Variants in LRBA observed in about 807,000 individuals in gnomAD.
LRBA encodes lipopolysaccharide-responsive and beige-like anchor protein.
A neutral mutation model predicts 330.0 loss-of-function variants in LRBA; 176 were observed. The observed-to-expected ratio is 0.53, with a 90% confidence interval of 0.47 to 0.60. The LOEUF (loss-of-function observed/expected upper bound fraction) is 0.60. Among genes scored for constraint, LRBA ranks in the 20% least tolerant of loss-of-function variants. The pLI is 0.00. For missense variants in LRBA, 3,259 were observed against 3,444.8 expected (o/e 0.95, Z 1.35); for synonymous variants, 1,230 against 1,193.0 (o/e 1.03, Z -0.64).
At chr4:150,731,193 G>A (rs539125767) in intron 36 of LRBA, among the ~76,000 whole-genome samples, 3 of 152,226 alleles carry the variant, frequency 2.0e-5, no homozygotes, top group East Asian at 3.9e-4. Flanking sequence ...ACTATTGGTG[G>A]AGTGTAAATT....
At chr4:150,575,242 T>C (rs896908419) in intron 40 of LRBA, among the ~76,000 whole-genome samples, 3 of 151,948 alleles carry the variant, frequency 2.0e-5, no homozygotes, top group Admixed American at 6.6e-5. Flanking sequence ...ACAGATGTCT[T>C]CCATACATAG....
intron 47 of LRBA, among the ~76,000 whole-genome samples, chr4:150,356,700 T>G (rs1339060252): frequency 6.6e-6 from 1 of 151,936 alleles, no homozygotes; most frequent in Non-Finnish European, 1.5e-5. Flanking sequence ...TCAATTTCAC[T>G]AATTTAAAGA....
chr4:150,735,202 C>T, intron 36 of LRBA, 56 bp downstream of exon 36: 1 of 1,255,268 alleles, frequency 8.0e-7, no homozygotes, highest in Non-Finnish European at 1.2e-6. Context: ...GACAATTTCT[C>T]ATGATTATCA....
intron 42 of LRBA, among the ~76,000 whole-genome samples, chr4:150,474,490 T>C (rs1372444292): frequency 6.6e-6 from 1 of 152,162 alleles, no homozygotes; most frequent in Non-Finnish European, 1.5e-5. Context: ...TTTCAGCTAC[T>C]CTAGGTCCAT....
intron 55 of LRBA, among the ~76,000 whole-genome samples, chr4:150,280,105 C>A (rs1747317915): frequency 1.3e-5 from 2 of 152,288 alleles, no homozygotes; most frequent in South Asian, 4.1e-4. Context: ...GAATCAGATG[C>A]CTCCCAAGGT....
intron 46 of LRBA, among the ~76,000 whole-genome samples, chr4:150,426,726 A>G (rs976156137): frequency 3.3e-5 from 5 of 151,938 alleles, no homozygotes; most frequent in African/African-American, 1.2e-4. Flanking sequence ...AATACTTAAC[A>G]AAACTTACTT....
At chr4:150,669,722 C>T (rs1263990371) in intron 37 of LRBA, among the ~76,000 whole-genome samples, 6 of 151,958 alleles carry the variant, frequency 3.9e-5, no homozygotes, top group South Asian at 2.1e-4. Flanking sequence ...TGCACCACCA[C>T]GCCCAGATAA....
In LRBA at chr4:150,853,787, T is replaced by C. The variant is rs546146653; in HGVS notation, c.2767-844A>G. On this transcript the variant is annotated intron_variant, in intron 22 of 56. Transcript: ENST00000651943. ...CATATGATTTCCATTGGTGTTTCAA[T>C]GGTAACCCCCATCACCCCTTGCAAC... 6.6e-5 allele frequency among the ~76,000 whole-genome samples: 10 copies of C among 152,292 alleles called. No homozygotes were observed. In the South Asian group the frequency reaches 1.7e-3, roughly 25 times the overall value.
chr4:150,610,567 C>A (rs367720184), intron 37 of LRBA, among the ~76,000 whole-genome samples: 1 of 151,902 alleles, frequency 6.6e-6, no homozygotes, highest in African/African-American at 2.4e-5. Context: ...CCAGCCTGGG[C>A]GACAGGGTGA....
chr4:150,350,109 G>T lies in LRBA; in HGVS notation c.7245C>A (p.Leu2415=), dbSNP rs1308154555. 6.8e-6 allele frequency: 11 copies of T among 1,606,320 alleles called. No homozygotes were observed. The highest frequency in any genetic ancestry group is 9.3e-6 in the Non-Finnish European group (11 of 1,177,218). The change falls in exon 48 of 57, where the codon CTC becomes CTA. Residue 2415 remains leucine, a synonymous_variant. Transcript: ENST00000651943. The stretch of plus-strand genomic sequence containing the variant: ...GTCCTTGCTGTTTATAGCCAAAAAT[G>T]AGATCAATCCATTGGTGAAGCTGGC... ...VSCQLHQWID[L]IFGYKQQGPE... is the part of the protein sequence containing the mutation.
chr4:150,817,755 G>A (rs1184445196), intron 30 of LRBA, among the ~76,000 whole-genome samples: 1 of 151,578 alleles, frequency 6.6e-6, no homozygotes, highest in Non-Finnish European at 1.5e-5. Context: ...GCAATGCATA[G>A]GAATAAAAAC....
intron 34 of LRBA, among the ~76,000 whole-genome samples, chr4:150,782,322 C>A (rs558295715): frequency 3.8e-4 from 58 of 152,332 alleles, no homozygotes; most frequent in African/African-American, 1.3e-3. Context: ...CTTGTAGCTG[C>A]TGTAACAAAT....
chr4:150,403,223 A>G (rs1229432421), intron 47 of LRBA, among the ~76,000 whole-genome samples: 1 of 152,248 alleles, frequency 6.6e-6, no homozygotes, highest in African/African-American at 2.4e-5. Flanking sequence ...GCTCCTGCAC[A>G]GCACCACTGG....
intron 37 of LRBA, among the ~76,000 whole-genome samples, chr4:150,621,454 C>T (rs1193972561): frequency 6.6e-6 from 1 of 152,112 alleles, no homozygotes; most frequent in Non-Finnish European, 1.5e-5. Flanking sequence ...GTGTGAAAAA[C>T]AGCACTAGAG....
chr4:150,673,796 C>T lies in LRBA; in HGVS notation c.5921+9755G>A, dbSNP rs968919738. On this transcript the variant is annotated intron_variant, in intron 37 of 56. Coordinates refer to ENST00000651943, the MANE Select transcript of LRBA (RefSeq NM_001364905.1). ...CAATTCATGTGGTTGGTTTTTAATC[C>T]GGGTCCAATCATGTATCACTTTCAT... Among the ~76,000 whole-genome samples, 12 of 152,118 alleles carry T rather than the reference C, an allele frequency of 7.9e-5. No individual in the cohort carries two copies. In the East Asian group the frequency reaches 9.6e-4, roughly 12 times the overall value.
chr4:150,507,078 G>C (rs921326414), intron 40 of LRBA, among the ~76,000 whole-genome samples: 13 of 151,504 alleles, frequency 8.6e-5, no homozygotes, highest in South Asian at 2.1e-4. Context: ...AAATAAAAGA[G>C]GATACAAACA....
chr4:150,374,138 CA>C (rs1740871492), intron 47 of LRBA, among the ~76,000 whole-genome samples: 1 of 152,144 alleles, frequency 6.6e-6, no homozygotes, highest in African/African-American at 2.4e-5. Flanking sequence ...TGAAAACTTC[CA>C]ATACTCTCCC....
intron 37 of LRBA, among the ~76,000 whole-genome samples, chr4:150,676,081 T>C (rs1018496453): frequency 3.9e-5 from 6 of 152,216 alleles, no homozygotes; most frequent in Admixed American, 2.6e-4. Context: ...CACTTGCAAT[T>C]TGTCTATAAT....
At chr4:150,899,964 T>A in intron 14 of LRBA, 85 bp downstream of exon 14, 7 of 962,044 alleles carry the variant, frequency 7.3e-6, no homozygotes, top group Non-Finnish European at 1.0e-5. Flanking sequence ...TGCCCAAATA[T>A]ATGATAGTAC....
Sources: allele counts gnomAD v4.1 joint callset (sites outside exome capture counted in the v4.1 genomes callset), GRCh38; gene constraint gnomAD v4.1.1; transcripts MANE v1.5; gene names NCBI Gene and HGNC (gene_info 2026-07-23, HGNC 2026-07-21).